Variants in KDM4C observed in about 807,000 individuals in gnomAD.
KDM4C encodes lysine demethylase 4C, also known as lysine-specific demethylase 4C.
KDM4C carries 81 observed loss-of-function variants against 129.3 expected under a neutral mutation model. That is an observed-to-expected ratio of 0.63 (90% CI 0.52 to 0.75). The LOEUF is 0.75. KDM4C is among the 30% of genes least tolerant of loss of function. The pLI is 0.00. For missense variants in KDM4C, 1,457 were observed against 1,304.0 expected (o/e 1.12, Z -1.81); for synonymous variants, 573 against 456.1 (o/e 1.26, Z -3.26).
At position 6,787,798 on chromosome 9, in the gene KDM4C, A is replaced by G. The variant is rs149715415; in HGVS notation, c.-17-5174A>G. Reference sequence around the variant, plus strand: ...GAGCCAGCTCATTTCTCTGCTTCAGATGGTCCAGAAAAGTTTCTTTAGAGA... The same window carrying G: ...GAGCCAGCTCATTTCTCTGCTTCAGGTGGTCCAGAAAAGTTTCTTTAGAGA... On this transcript the variant is annotated intron_variant, in intron 1 of 21. Transcript: ENST00000381309. 1.9e-3 allele frequency among the ~76,000 whole-genome samples: 294 copies of G among 152,292 alleles called. 3 individuals are homozygous for G. Among genetic ancestry groups the G allele is most frequent in the African/African-American group, 5.6e-3 (234 of 41,560 alleles).
At chr9:7,169,325 A>G (rs1844721420) in intron 20 of KDM4C, among the ~76,000 whole-genome samples, 1 of 151,922 alleles carries the variant, frequency 6.6e-6, no homozygotes, top group Non-Finnish European at 1.5e-5. Context: ...TGTATTTTGT[A>G]TTTAGTTTAT....
rs184998084 is a variant in KDM4C, at chr9:7,003,478, G to A, written c.1787-8220G>A. ...AGGAATTTTGAAGTTGTGTCCTTTG[G>A]AATGTTTCTTATTTAAAGTGTATAT... On this transcript the variant is annotated intron_variant, in intron 12 of 21. Coordinates refer to ENST00000381309, the MANE Select transcript of KDM4C (RefSeq NM_015061.6). 2.9e-3 allele frequency among the ~76,000 whole-genome samples: 439 copies of A among 151,432 alleles called. 2 individuals carry two copies. Among genetic ancestry groups the A allele is most frequent in the Non-Finnish European group, 4.6e-3 (315 of 67,894 alleles).
intron 1 of KDM4C, among the ~76,000 whole-genome samples, chr9:6,782,458 A>T (rs1824565952): frequency 6.6e-6 from 1 of 152,192 alleles, no homozygotes; most frequent in African/African-American, 2.4e-5. Flanking sequence ...AGGGATATTC[A>T]TGGTCCCTCT....
chr9:6,842,080 C>T (rs911551803), intron 4 of KDM4C, among the ~76,000 whole-genome samples: 4 of 152,162 alleles, frequency 2.6e-5, no homozygotes, highest in Non-Finnish European at 5.9e-5. Context: ...AGTCTCACTC[C>T]AGTTACTGGA....
intron 6 of KDM4C, among the ~76,000 whole-genome samples, chr9:6,880,402 A>T (rs1314755468): frequency 6.6e-6 from 1 of 152,014 alleles, no homozygotes; most frequent in Non-Finnish European, 1.5e-5. Context: ...ATTTTTTTTT[A>T]AATTAAGTTA....
At chr9:6,895,545 G>T (rs1206352598) in intron 8 of KDM4C, among the ~76,000 whole-genome samples, 1 of 152,072 alleles carries the variant, frequency 6.6e-6, no homozygotes, top group African/African-American at 2.4e-5. Flanking sequence ...CTTTGTTGGG[G>T]GTGCAGGAGG....
rs955038671 is a variant in KDM4C, at chr9:6,764,362, A to G, written c.-18+6159A>G. Among the ~76,000 whole-genome samples, 3 of 152,120 alleles carry G rather than the reference A, an allele frequency of 2.0e-5. No individual in the cohort carries two copies. In the South Asian group the frequency reaches 6.2e-4, roughly 32 times the overall value. On this transcript the variant is annotated intron_variant, in intron 1 of 21. Coordinates refer to ENST00000381309, the MANE Select transcript of KDM4C (RefSeq NM_015061.6). The stretch of plus-strand genomic sequence containing the variant: ...TCCCTTTTTCCTTGAAAAATGTCCT[A>G]ATTGGTTCATTTATATGTTTCATAG...
At chr9:6,720,901 A>G (rs778691961) in exon 1 of KDM4C, 2 of 1,514,962 alleles carry the variant, frequency 1.3e-6, no homozygotes, top group African/African-American at 2.8e-5. Context: ...AAGTTGTTGA[A>G]TAGTTGGAGT....
chr9:6,930,658 TATA>T (rs934866947), intron 8 of KDM4C, among the ~76,000 whole-genome samples: 2 of 148,078 alleles, frequency 1.4e-5, no homozygotes, highest in African/African-American at 2.5e-5. Context: ...ACATACTACA[TATA>T]ATAGTACAAT....
At chr9:6,930,787 T>C (rs1011704925) in intron 8 of KDM4C, among the ~76,000 whole-genome samples, 5 of 151,134 alleles carry the variant, frequency 3.3e-5, no homozygotes, top group Non-Finnish European at 7.4e-5. Context: ...TTTCATACCT[T>C]TTCAGCAATG....
Position 6,849,517 on chromosome 9 carries a change from A to T in KDM4C, c.446A>T (p.Glu149Val). Residue 149 changes from glutamate to valine, a missense_variant, in exon 5 of 22, where the codon GAA (glutamate) becomes GTA (valine). Physicochemically the swap from Glu to Val is moderately radical, Grantham distance 121. Coordinates refer to ENST00000381309, the MANE Select transcript of KDM4C (RefSeq NM_015061.6). Reference protein sequence around the residue: ...NGSIYDEGVDEWNIARLNTVL... With the variant: ...NGSIYDEGVDVWNIARLNTVL... ...TCTCTCTCATTCCAGGGTGTGGATG[A>T]ATGGAACATAGCTCGCCTCAATACA... is the stretch of plus-strand genomic sequence containing the variant. 6.4e-7 allele frequency: 1 copy of T among 1,573,622 alleles called. No individual in the cohort carries two copies. The highest frequency in any genetic ancestry group is 1.2e-5 in the South Asian group (1 of 85,120).
At chr9:6,748,627 A>T in intron 1 of KDM4C, 2 of 787,614 alleles carry the variant, frequency 2.5e-6, no homozygotes, top group East Asian at 2.5e-5. Flanking sequence ...AATATGAATA[A>T]ATGTTCATAT....
intron 17 of KDM4C, among the ~76,000 whole-genome samples, chr9:7,068,212 A>G (rs1286946045): frequency 6.6e-6 from 1 of 152,218 alleles, no homozygotes; most frequent in African/African-American, 2.4e-5. Context: ...ATGCTGACAC[A>G]TATATGTGAA....
chr9:6,756,369 C>CGTTA (rs772902180), upstream of KDM4C, among the ~76,000 whole-genome samples: 2 of 152,296 alleles, frequency 1.3e-5, no homozygotes, highest in East Asian at 3.9e-4. Context: ...GGGATCCTGA[C>CGTTA]GTTACATGCA....
chr9:7,148,428 T>C (rs1179781125), intron 19 of KDM4C, among the ~76,000 whole-genome samples: 2 of 152,180 alleles, frequency 1.3e-5, no homozygotes, highest in Admixed American at 6.5e-5. Flanking sequence ...CACAGCTCTT[T>C]CCCGTTGTGT....
At chr9:7,124,074 T>C (rs1280487895) in intron 18 of KDM4C, among the ~76,000 whole-genome samples, 3 of 152,312 alleles carry the variant, frequency 2.0e-5, no homozygotes, top group Non-Finnish European at 2.9e-5. Context: ...TCATCCTGTT[T>C]CATAGCACCC....
At chr9:6,785,684 C>T (rs1825343138) in intron 1 of KDM4C, among the ~76,000 whole-genome samples, 1 of 152,230 alleles carries the variant, frequency 6.6e-6, no homozygotes, top group African/African-American at 2.4e-5. Context: ...AGGGCCGACC[C>T]TAATCAAATA....
chr9:6,847,897 A>G (rs182076407), intron 4 of KDM4C, among the ~76,000 whole-genome samples: 68 of 152,344 alleles, frequency 4.5e-4, no homozygotes, highest in African/African-American at 1.6e-3. Context: ...AGTAAGATTA[A>G]CACACTGATT....
At chr9:6,815,993 C>T (rs903161494) in intron 4 of KDM4C, among the ~76,000 whole-genome samples, 4 of 152,136 alleles carry the variant, frequency 2.6e-5, no homozygotes, top group African/African-American at 7.2e-5. Context: ...GAGAGTTTAA[C>T]ATTTATATAA....
Sources: gnomAD v4.1 joint callset for allele counts (sites outside exome capture counted in the v4.1 genomes callset) on GRCh38, gnomAD v4.1.1 for gene constraint, MANE v1.5 for transcripts, NCBI Gene and HGNC (gene_info 2026-07-23, HGNC 2026-07-21) for gene names.